HMCN1: variants seen among roughly 807,000 people sequenced by gnomAD.
HMCN1 encodes hemicentin-1.
In HMCN1, 321 loss-of-function variants were observed where a neutral mutation model predicts 625.9. That is an observed-to-expected ratio of 0.51 (90% CI 0.47 to 0.56). The LOEUF is 0.56. HMCN1 is among the 20% of genes least tolerant of loss of function. The pLI is 0.00. For missense variants in HMCN1, 6,588 were observed against 6,887.3 expected, an observed-to-expected ratio of 0.96 and a Z score of 1.54; for synonymous variants, 2,425 against 2,417.6, an observed-to-expected ratio of 1.00 and a Z score of -0.09.
intron 97 of HMCN1, among the ~76,000 whole-genome samples, chr1:186,157,851 T>C (rs1347201085): frequency 6.6e-6 from 1 of 152,262 alleles, no homozygotes; most frequent in East Asian, 1.9e-4. Flanking sequence ...TGTTGGACAT[T>C]TGGGTTGGTT....
In HMCN1 at chr1:186,087,638, A is replaced by T. The variant is rs1015365400; in HGVS notation, c.9356A>T (p.Lys3119Ile). The change falls in exon 60 of 107, where the codon AAA becomes ATA. Residue 3119 changes from lysine to isoleucine, a missense_variant. This residue lies in a region of HMCN1 where 4,628 missense variants were observed against 4,853.1 expected (regional missense o/e 0.95). Transcript: ENST00000271588. ...LADGQMLHIK[K>I]AEVSDTGQYV... is the part of the protein sequence containing the mutation. ...GATGGACAAATGCTACACATTAAGA[A>T]AGCTGAGGTGCATCTTTTATTCTTG... is the stretch of plus-strand genomic sequence containing the variant. 6.8e-6 allele frequency: 11 copies of T among 1,612,956 alleles called. No individual in the cohort carries two copies. The highest frequency in any genetic ancestry group is 9.3e-6 in the Non-Finnish European group (11 of 1,179,210).
chr1:185,908,842 A>T (rs946610888), intron 4 of HMCN1, among the ~76,000 whole-genome samples: 19 of 148,684 alleles, frequency 1.3e-4, no homozygotes, highest in African/African-American at 4.2e-4. Context: ...TACTATATAT[A>T]ATTATAATAT....
At chr1:186,081,999 A>G (rs1659194353) in intron 56 of HMCN1, among the ~76,000 whole-genome samples, 1 of 152,212 alleles carries the variant, frequency 6.6e-6, no homozygotes, top group East Asian at 1.9e-4. Context: ...TATCCAACAT[A>G]GGACATATCT....
chr1:186,128,054 A>C (rs754551091), intron 82 of HMCN1, 24 bp from the exon 83 acceptor site: 1 of 1,598,856 alleles, frequency 6.3e-7, no homozygotes, highest in Non-Finnish European at 8.6e-7. Context: ...ATGAAATTTT[A>C]AATGTTACTT....
In HMCN1 at chr1:186,062,606, G is replaced by T; in HGVS notation, c.7513+6G>T. On this transcript the variant is annotated splice_donor_region_variant and intron_variant, in intron 48 of 106. Coordinates refer to ENST00000271588, the MANE Select transcript of HMCN1 (RefSeq NM_031935.3). ...GCTGACTTGTGAAGTGACAGGTATGGGCTCAGCTCTCAGACTTTTGGTGCT... is the reference window on the plus strand; with the variant it reads ...GCTGACTTGTGAAGTGACAGGTATGTGCTCAGCTCTCAGACTTTTGGTGCT... The T allele has an allele frequency of 3.8e-6, 6 of 1,596,188 alleles. No individual in the cohort carries two copies. The highest frequency in any genetic ancestry group is 5.2e-6 in the Non-Finnish European group (6 of 1,164,030).
Position 186,166,233 on chromosome 1 carries a change from T to C in HMCN1, c.15369T>C (p.Asn5123=). The C allele has an allele frequency of 6.2e-7, 1 of 1,613,992 alleles. No homozygotes were observed. Among genetic ancestry groups the C allele is most frequent in the Non-Finnish European group, 8.5e-7 (1 of 1,179,900 alleles). ...AGNPCSHSCH[N]AMGTYYCSCP... ...ATCCCTGCTCCCATAGCTGCCACAA[T>C]GCCATGGGGACTTACTACTGCTCCT... Residue 5123 remains asparagine (N), a synonymous_variant, in exon 99 of 107, where the codon AAT becomes AAC. Transcript: ENST00000271588.
intron 1 of HMCN1, among the ~76,000 whole-genome samples, chr1:185,834,689 GGAGGGGAT>G (rs1362749583): frequency 1.3e-5 from 2 of 152,192 alleles, no homozygotes; most frequent in African/African-American, 4.8e-5. Flanking sequence ...ATAGCCAAGA[GGAGGGGAT>G]TACACAAGAG....
chr1:186,158,677 A>G (rs535468576), intron 97 of HMCN1, among the ~76,000 whole-genome samples: 19 of 149,658 alleles, frequency 1.3e-4, no homozygotes, highest in Non-Finnish European at 2.5e-4. Context: ...TTCCAGCACC[A>G]TTTATTAAAT....
At chr1:185,970,188 C>T (rs963917717) in intron 14 of HMCN1, 147 bp from the exon 15 acceptor site, 5 of 758,042 alleles carry the variant, frequency 6.6e-6, no homozygotes, top group African/African-American at 1.7e-5. Context: ...GAATTTTAGA[C>T]TGTAGAAAGT....
chr1:185,835,702 C>T (rs1351339720), intron 1 of HMCN1, among the ~76,000 whole-genome samples: 1 of 151,682 alleles, frequency 6.6e-6, no homozygotes, highest in Non-Finnish European at 1.5e-5. Flanking sequence ...GTATTATTTT[C>T]AGTATTTACA....
At chr1:185,851,063 A>G (rs935249774) in intron 2 of HMCN1, among the ~76,000 whole-genome samples, 2 of 152,164 alleles carry the variant, frequency 1.3e-5, no homozygotes, top group Non-Finnish European at 2.9e-5. Flanking sequence ...GTTTACTTAT[A>G]GAATACTTTA....
Position 185,909,320 on chromosome 1 carries a change from C to G in HMCN1, c.622-17C>G. On this transcript the variant is annotated splice_polypyrimidine_tract_variant and intron_variant, in intron 4 of 106. Transcript: ENST00000271588. ...ATGTTTTCTGATATCACTTACACTT[C>G]TCTTTCTCTCTTATAGGTATTAAAA... 6.3e-7 allele frequency: 1 copy of G among 1,599,028 alleles called. No homozygotes were observed.
intron 97 of HMCN1, among the ~76,000 whole-genome samples, chr1:186,158,268 G>A (rs1386820359): frequency 1.1e-4 from 16 of 150,700 alleles, no homozygotes; most frequent in African/African-American, 2.2e-4. Flanking sequence ...CATGTCCTTC[G>A]CCCACTTTTT....
intron 86 of HMCN1, among the ~76,000 whole-genome samples, chr1:186,135,300 T>A (rs1184884064): frequency 6.6e-6 from 1 of 152,180 alleles, no homozygotes. Flanking sequence ...ATACCATTTT[T>A]ATCCTGATTT....
chr1:185,769,542 G>A (rs531314678), intron 1 of HMCN1, among the ~76,000 whole-genome samples: 19 of 152,120 alleles, frequency 1.2e-4, no homozygotes, highest in Non-Finnish European at 2.2e-4. Context: ...AAGAAAAATG[G>A]CAGGGTAGAG....
chr1:186,096,246 T>A (rs980653059), intron 68 of HMCN1, among the ~76,000 whole-genome samples: 6 of 152,090 alleles, frequency 3.9e-5, no homozygotes, highest in African/African-American at 1.4e-4. Context: ...AGCATATGTT[T>A]CAGCGTGTGT....
chr1:186,154,208 G>A (rs1211981970), intron 97 of HMCN1, among the ~76,000 whole-genome samples: 1 of 152,164 alleles, frequency 6.6e-6, no homozygotes, highest in African/African-American at 2.4e-5. Flanking sequence ...ACACAGTGGG[G>A]TTGCTGTTGT....
At chr1:186,155,424 C>A (rs1440775323) in intron 97 of HMCN1, among the ~76,000 whole-genome samples, 1 of 152,124 alleles carries the variant, frequency 6.6e-6, no homozygotes, top group Non-Finnish European at 1.5e-5. Context: ...TTTTCTTTCC[C>A]TAATTATGCC....
chr1:185,965,218 A>C (rs1650320143), intron 13 of HMCN1, among the ~76,000 whole-genome samples: 1 of 152,262 alleles, frequency 6.6e-6, no homozygotes, highest in East Asian at 1.9e-4. Flanking sequence ...ATTTAGCATC[A>C]CAGGGAAAAG....
Sources: gnomAD v4.1 joint callset for allele counts (sites outside exome capture counted in the v4.1 genomes callset) on GRCh38, gnomAD v4.1.1 for gene constraint, gnomAD v4.1.1 regional missense constraint, MANE v1.5 for transcripts, NCBI Gene and HGNC (gene_info 2026-07-23, HGNC 2026-07-21) for gene names.